The following CTNNA2 variants were observed in gnomAD, a reference collection of about 807,000 sequenced individuals.
The protein encoded by CTNNA2 is catenin alpha 2, also known as catenin alpha-2.
In CTNNA2, 42 loss-of-function variants were observed where a neutral mutation model predicts 101.0. The ratio of observed to expected loss-of-function variants is 0.42; its 90% confidence interval spans 0.32 to 0.54. The LOEUF (loss-of-function observed/expected upper bound fraction) is 0.54. CTNNA2 is among the 20% of genes least tolerant of loss of function. The pLI is 0.14. For missense variants in CTNNA2, 871 were observed against 1,223.1 expected (o/e 0.71, Z 4.29); for synonymous variants, 450 against 456.4 (o/e 0.99, Z 0.18).
At chr2:79,229,784 A>G (rs192573074) in intron 2 of CTNNA2, among the ~76,000 whole-genome samples, 54 of 152,344 alleles carry the variant, frequency 3.5e-4, no homozygotes, top group Non-Finnish European at 2.6e-4. Flanking sequence ...TACTGATAGC[A>G]ATATGGACAA....
chr2:80,490,164 C>A (rs1383761728), intron 9 of CTNNA2, among the ~76,000 whole-genome samples: 1 of 151,688 alleles, frequency 6.6e-6, no homozygotes, highest in Admixed American at 6.6e-5. Context: ...ACAAATCATT[C>A]TTATATTTTC....
chr2:79,653,992 C>T (rs1681436259), intron 2 of CTNNA2, among the ~76,000 whole-genome samples: 1 of 152,046 alleles, frequency 6.6e-6, no homozygotes, highest in African/African-American at 2.4e-5. Flanking sequence ...CTTTAATGTC[C>T]ACATTTCTAC....
At chr2:80,369,206 A>C (rs1559050733) in intron 7 of CTNNA2, among the ~76,000 whole-genome samples, 1 of 152,076 alleles carries the variant, frequency 6.6e-6, no homozygotes, top group African/African-American at 2.4e-5. Flanking sequence ...AGTTATAGTG[A>C]ACTAGGATTT....
At chr2:79,997,292 AGAAG>A (rs992159760) in intron 7 of CTNNA2, among the ~76,000 whole-genome samples, 9 of 151,866 alleles carry the variant, frequency 5.9e-5, no homozygotes, top group African/African-American at 1.9e-4. Context: ...GTTTATTTCT[AGAAG>A]GAAGGAAGGA....
At chr2:79,893,207 T>G (rs1684429604) in intron 6 of CTNNA2, among the ~76,000 whole-genome samples, 2 of 152,276 alleles carry the variant, frequency 1.3e-5, no homozygotes, top group Non-Finnish European at 2.9e-5. Context: ...TTTCCACCGT[T>G]TTGTCCTCCT....
At chr2:79,292,627 G>A (rs1240382907) in intron 2 of CTNNA2, among the ~76,000 whole-genome samples, 1 of 152,080 alleles carries the variant, frequency 6.6e-6, no homozygotes. Flanking sequence ...AGGTCATTGA[G>A]GCCCAGATGG....
At chr2:79,787,159 C>T (rs554207756) in intron 3 of CTNNA2, among the ~76,000 whole-genome samples, 16 of 152,220 alleles carry the variant, frequency 1.1e-4, no homozygotes, top group East Asian at 3.9e-4. Context: ...AAATAATCAC[C>T]GCCTTTCTTT....
chr2:80,002,576 G>A (rs946732747), intron 7 of CTNNA2, among the ~76,000 whole-genome samples: 7 of 152,064 alleles, frequency 4.6e-5, no homozygotes, highest in African/African-American at 1.7e-4. Context: ...GAGGGAGGGG[G>A]CAGGGAAAGG....
chr2:79,288,040 C>A (rs1345833797), intron 2 of CTNNA2, among the ~76,000 whole-genome samples: 1 of 152,220 alleles, frequency 6.6e-6, no homozygotes, highest in African/African-American at 2.4e-5. Context: ...CTTTCTTTGA[C>A]TAGGAAAGGG....
At chr2:79,361,863 A>T (rs1217114551) in intron 3 of CTNNA2, among the ~76,000 whole-genome samples, 7 of 152,134 alleles carry the variant, frequency 4.6e-5, no homozygotes, top group African/African-American at 7.2e-5. Context: ...TTTATATTGT[A>T]GCCACTCTGG....
At chr2:79,456,416 C>A (rs372135630) in intron 4 of CTNNA2, among the ~76,000 whole-genome samples, 2 of 151,600 alleles carry the variant, frequency 1.3e-5, no homozygotes, top group South Asian at 4.2e-4. Context: ...TTTATTTGCA[C>A]GAATTCAATG....
At chr2:80,326,105 G>A (rs543511584) in intron 7 of CTNNA2, among the ~76,000 whole-genome samples, 1 of 152,306 alleles carries the variant, frequency 6.6e-6, no homozygotes, top group Admixed American at 6.5e-5. Context: ...AGTGGTGAAA[G>A]TGAGAAATAC....
chr2:79,233,562 T>C (rs116285536), intron 2 of CTNNA2, among the ~76,000 whole-genome samples: 3,035 of 152,286 alleles, frequency 0.02, 41 homozygotes, highest in Non-Finnish European at 0.03. Flanking sequence ...AGATGTCTAT[T>C]AGGTCCAATT....
At chr2:79,469,647 C>A (rs544847783) in intron 4 of CTNNA2, among the ~76,000 whole-genome samples, 3 of 152,090 alleles carry the variant, frequency 2.0e-5, no homozygotes, top group Non-Finnish European at 4.4e-5. Flanking sequence ...ACTGGCAAAC[C>A]GAATCCAGCA....
chr2:80,107,503 G>A (rs957606319), intron 7 of CTNNA2, among the ~76,000 whole-genome samples: 51 of 152,102 alleles, frequency 3.4e-4, no homozygotes, highest in African/African-American at 9.7e-4. Context: ...CCATCCTGTC[G>A]CCTCTCCTGC....
At chr2:80,070,407 TCA>T (rs988826508) in intron 7 of CTNNA2, among the ~76,000 whole-genome samples, 2 of 152,128 alleles carry the variant, frequency 1.3e-5, no homozygotes, top group African/African-American at 4.8e-5. Flanking sequence ...ATTTGTTTTT[TCA>T]CAGTTTTAGC....
intron 7 of CTNNA2, among the ~76,000 whole-genome samples, chr2:80,067,106 T>A (rs992779222): frequency 6.6e-6 from 1 of 152,138 alleles, no homozygotes; most frequent in Non-Finnish European, 1.5e-5. Flanking sequence ...GGGAAAGTAT[T>A]GGTCAAAGGA....
At chr2:80,638,638 T>C (rs1267254523) in intron 18 of CTNNA2, among the ~76,000 whole-genome samples, 1 of 152,178 alleles carries the variant, frequency 6.6e-6, no homozygotes, top group African/African-American at 2.4e-5. Context: ...TGTTTCACCT[T>C]TATTGGTGAG....
intron 9 of CTNNA2, among the ~76,000 whole-genome samples, chr2:80,537,109 G>T (rs564914873): frequency 2.0e-5 from 3 of 151,282 alleles, no homozygotes; most frequent in Non-Finnish European, 4.4e-5. Context: ...AGTGTGTGTT[G>T]TTCCCCCTCC....
Sources: allele counts gnomAD v4.1 joint callset (sites outside exome capture counted in the v4.1 genomes callset), GRCh38; gene constraint gnomAD v4.1.1; transcripts MANE v1.5; gene names NCBI Gene and HGNC (gene_info 2026-07-23, HGNC 2026-07-21).